Variants in RGS12 observed in about 807,000 individuals in gnomAD.
The protein encoded by RGS12 is regulator of G protein signaling 12.
A neutral mutation model predicts 120.1 loss-of-function variants in RGS12; 66 were observed. The observed-to-expected ratio is 0.55, with a 90% CI of 0.45 to 0.67. The LOEUF is 0.67. RGS12 is among the 30% of genes least tolerant of loss of function. The pLI, the probability that RGS12 is intolerant of heterozygous loss-of-function variation, is 0.00. For missense variants in RGS12, 1,859 were observed against 1,957.7 expected, an observed-to-expected ratio of 0.95 and a Z score of 0.95; for synonymous variants, 827 against 804.7, an observed-to-expected ratio of 1.03 and a Z score of -0.47.
At chr4:3,408,869 G>A (rs774847384) in intron 4 of RGS12, among the ~76,000 whole-genome samples, 9 of 152,218 alleles carry the variant, frequency 5.9e-5, no homozygotes, top group Non-Finnish European at 1.2e-4. Flanking sequence ...AATTACTGGA[G>A]CACAATTCCT....
At chr4:3,287,355 A>G in the RGS12 span, among the ~76,000 whole-genome samples, 4 of 149,432 alleles carry the variant, frequency 2.7e-5, no homozygotes, top group Non-Finnish European at 4.5e-5. Flanking sequence ...ACATGGTCTG[A>G]AAAAAAAAAC....
chr4:3,384,861 T>C (rs1355301451), intron 3 of RGS12, among the ~76,000 whole-genome samples: 2 of 152,180 alleles, frequency 1.3e-5, no homozygotes, highest in Non-Finnish European at 2.9e-5. Context: ...GGGCTGGCAG[T>C]GGACCCCGGA....
At chr4:3,359,501 TA>T (rs1715356525) in intron 3 of RGS12, among the ~76,000 whole-genome samples, 1 of 135,744 alleles carries the variant, frequency 7.4e-6, no homozygotes, top group Non-Finnish European at 1.6e-5. Context: ...AAATGTTTGG[TA>T]GAATTCACCA....
rs765915502 is a variant in RGS12 at position 3,366,350 on chromosome 4, C to T, written c.1999-20066C>T. On this transcript the variant is annotated intron_variant, in intron 3 of 17. Coordinates refer to ENST00000336727, the MANE Select transcript of RGS12 (RefSeq NM_001394154.1). The surrounding 1 kb of genome is among the most constrained non-coding windows in gnomAD (Gnocchi z 4.0). ...TTGAGGGCCCTGCCCATAGAGGAGCCACACCTGGGCCTTTGGCTTGGCGAC... is the reference window on the plus strand; with the variant it reads ...TTGAGGGCCCTGCCCATAGAGGAGCTACACCTGGGCCTTTGGCTTGGCGAC... Among the ~76,000 whole-genome samples, 1 of 152,136 alleles carries T rather than the reference C, an allele frequency of 6.6e-6. No homozygotes were observed. The highest frequency in any genetic ancestry group is 1.5e-5 in the Non-Finnish European group (1 of 68,022).
intron 16 of RGS12, among the ~76,000 whole-genome samples, chr4:3,430,201 C>T (rs927586498): frequency 2.6e-5 from 4 of 152,226 alleles, no homozygotes; most frequent in Non-Finnish European, 5.9e-5. Context: ...TTTCAGACTC[C>T]TGAAGACAGA....
At chr4:3,435,456 C>T (rs1376601104) in intron 17 of RGS12, among the ~76,000 whole-genome samples, 1 of 152,122 alleles carries the variant, frequency 6.6e-6, no homozygotes, top group African/African-American at 2.4e-5. Context: ...CCCCAGGAGC[C>T]TGCCACTGGT....
At chr4:3,421,877 C>T (rs1358974816) in intron 10 of RGS12, among the ~76,000 whole-genome samples, 1 of 152,252 alleles carries the variant, frequency 6.6e-6, no homozygotes, top group Non-Finnish European at 1.5e-5. Flanking sequence ...CAGCCTACCA[C>T]TGTACAAACT....
chr4:3,430,986 G>C, intron 17 of RGS12, 31 bp downstream of exon 17: 1 of 1,605,958 alleles, frequency 6.2e-7, no homozygotes, highest in Non-Finnish European at 8.5e-7. Context: ...CTCCACCTTG[G>C]CCCCGTAAGC....
rs1233606035 is a variant in RGS12, at chr4:3,365,982, C to T, written c.1999-20434C>T. ...CATGCTCAGTGTTGACCCCTCCCTG[C>T]CTTGTGGAGCTGGTCCTGGATGGGC... On this transcript the variant is annotated intron_variant, in intron 3 of 17. Transcript: ENST00000336727. The surrounding 1 kb of genome is among the most constrained non-coding windows in gnomAD (Gnocchi z 4.0). 6.6e-6 allele frequency among the ~76,000 whole-genome samples: 1 copy of T among 152,110 alleles called. No homozygotes were observed. Among genetic ancestry groups the T allele is most frequent in the African/African-American group, 2.4e-5 (1 of 41,410 alleles).
At chr4:3,431,399 G>A (rs1724287394) in intron 17 of RGS12, 1 of 1,007,702 alleles carries the variant, frequency 9.9e-7, no homozygotes, top group Non-Finnish European at 1.2e-6. Flanking sequence ...TTCATAGCAG[G>A]AGAGGGCTCC....
At chr4:3,420,901 A>G (rs1183762348) in intron 10 of RGS12, among the ~76,000 whole-genome samples, 183 bp downstream of exon 10, 1 of 152,234 alleles carries the variant, frequency 6.6e-6, no homozygotes, top group Non-Finnish European at 1.5e-5. Context: ...CCAGTGCCCC[A>G]TCAGGCCCCG....
intron 3 of RGS12, among the ~76,000 whole-genome samples, chr4:3,384,555 G>A (rs1718614688): frequency 1.3e-5 from 2 of 152,242 alleles, no homozygotes; most frequent in Admixed American, 6.5e-5. Flanking sequence ...CATCTGTGAC[G>A]TGGCTGCCCC....
intron 3 of RGS12, among the ~76,000 whole-genome samples, chr4:3,380,377 G>T (rs1718133419): frequency 6.6e-6 from 1 of 152,210 alleles, no homozygotes; most frequent in Non-Finnish European, 1.5e-5. Context: ...GCAAGCTGTT[G>T]GTGGATCTAC....
Position 3,317,573 on chromosome 4 carries a change from G to C in RGS12, c.1403G>C (p.Trp468Ser), listed in dbSNP as rs148700456. The change falls in exon 2 of 18, where the codon TGG (tryptophan) becomes TCG (serine). Residue 468 changes from tryptophan to serine, a missense_variant. This residue lies in a region of RGS12 where 967 missense variants were observed against 994.2 expected (regional missense o/e 0.97). Transcript: ENST00000336727. ...GTGGGTGGGAGGGGTGCCCAGCCCTGGGGTGCTCCCTGGACTGGGCCCTTC... is the reference window on the plus strand; with the variant it reads ...GTGGGTGGGAGGGGTGCCCAGCCCTCGGGTGCTCCCTGGACTGGGCCCTTC... ...DGVGGRGAQP[W>S]GAPWTGPFCP... 230 of 1,603,842 alleles carry C rather than the reference G, an allele frequency of 1.4e-4. No individual in the cohort carries two copies. The highest frequency in any genetic ancestry group is 1.9e-4 in the Non-Finnish European group (225 of 1,175,884).
Position 3,439,745 on chromosome 4 carries a change from T to TA in RGS12, c.*61_*62insA. On this transcript the variant is annotated 3_prime_UTR_variant, in exon 18 of 18. Coordinates refer to ENST00000336727, the MANE Select transcript of RGS12 (RefSeq NM_001394154.1). ...TCGGGGTGGGGCAGCCCAGGTGGAT[T>TA]CTGTGGGCCTCAGGGGGGCCACCCT... 1 of 1,416,404 alleles carries TA rather than the reference T, an allele frequency of 7.1e-7. No individual in the cohort carries two copies. The highest frequency in any genetic ancestry group is 1.5e-5 in the South Asian group (1 of 66,498). 87.7% of individuals were successfully genotyped at this position (1,416,404 alleles called of 1,614,324 possible).
At chr4:3,340,527 C>T (rs907187931) in intron 2 of RGS12, among the ~76,000 whole-genome samples, 5 of 152,306 alleles carry the variant, frequency 3.3e-5, no homozygotes, top group South Asian at 2.1e-4. Context: ...TGGACACGGA[C>T]GCCAGCCTAA....
chr4:3,319,561 G>A (rs1031502855), intron 2 of RGS12, among the ~76,000 whole-genome samples: 3 of 152,008 alleles, frequency 2.0e-5, no homozygotes, highest in African/African-American at 7.2e-5. Context: ...CTGAGTAGCT[G>A]GGACTACTGA....
intron 3 of RGS12, among the ~76,000 whole-genome samples, chr4:3,343,687 G>A (rs1040129174): frequency 2.0e-5 from 3 of 151,728 alleles, no homozygotes; most frequent in East Asian, 1.9e-4. Context: ...TGTCCGTGCC[G>A]TGCACCCACC....
intron 3 of RGS12, among the ~76,000 whole-genome samples, chr4:3,361,548 C>T (rs573319823): frequency 4.6e-5 from 7 of 152,030 alleles, no homozygotes; most frequent in Non-Finnish European, 1.0e-4. Flanking sequence ...GCAGAAATGG[C>T]GAGGGGCAGG....
Sources: gnomAD v4.1 joint callset for allele counts (sites outside exome capture counted in the v4.1 genomes callset) on GRCh38, gnomAD v4.1.1 for gene constraint, gnomAD v4.1.1 regional missense constraint, Gnocchi (gnomAD v3.1) non-coding constraint, MANE v1.5 for transcripts, NCBI Gene and HGNC (gene_info 2026-07-23, HGNC 2026-07-21) for gene names.